PRDM5: variants seen among roughly 807,000 people sequenced by gnomAD.
PRDM5 encodes the protein PR/SET domain 5.
PRDM5 carries 56 observed loss-of-function variants against 81.2 expected under a neutral mutation model. The observed-to-expected ratio is 0.69, with a 90% CI of 0.56 to 0.86. The LOEUF (loss-of-function observed/expected upper bound fraction) is 0.86, where lower values mean the gene tolerates loss of function less well. PRDM5 is among the 40% of genes least tolerant of loss of function. The pLI is 0.00. For synonymous variants in PRDM5, 267 were observed against 256.4 expected, an observed-to-expected ratio of 1.04 and a Z score of -0.39; for missense variants, 697 against 770.1, an observed-to-expected ratio of 0.91 and a Z score of 1.12.
In PRDM5 at chr4:120,793,813, C is replaced by T. The variant is rs76778197; in HGVS notation, c.1188+4454G>A. Among the ~76,000 whole-genome samples, 553 of 152,056 alleles carry T rather than the reference C, an allele frequency of 3.6e-3. 3 individuals are homozygous for T. Among genetic ancestry groups the T allele is most frequent in the African/African-American group, 0.013 (529 of 41,476 alleles). On this transcript the variant is annotated intron_variant, in intron 10 of 15. Transcript: ENST00000264808. ...ATATTTTCACTACAAAAAAAGATAA[C>T]GTGTGAGTAATGAATACATTAATTA...
rs114245360 is a variant in PRDM5, at chr4:120,710,743, G to A, written c.1624-330C>T. 0.067 allele frequency among the ~76,000 whole-genome samples: 10,242 copies of A among 151,896 alleles called. 396 individuals are homozygous for A. The highest frequency in any genetic ancestry group is 0.11 in the South Asian group (506 of 4,808). On this transcript the variant is annotated intron_variant, in intron 14 of 15. Transcript: ENST00000264808. Reference sequence around the variant, plus strand: ...TTGCTCCATGCTTCTCTCTCCTGCCGCCATGTGAAGAAGGATGAGTGAGCT... The same window carrying A: ...TTGCTCCATGCTTCTCTCTCCTGCCACCATGTGAAGAAGGATGAGTGAGCT...
At chr4:120,709,254 A>G (rs1262027409) in intron 15 of PRDM5, among the ~76,000 whole-genome samples, 1 of 152,166 alleles carries the variant, frequency 6.6e-6, no homozygotes, top group African/African-American at 2.4e-5. Context: ...TGCCTTTATG[A>G]AAATCCTTCC....
At chr4:120,804,103 A>G (rs1752543861) in intron 8 of PRDM5, among the ~76,000 whole-genome samples, 1 of 152,236 alleles carries the variant, frequency 6.6e-6, no homozygotes, top group Admixed American at 6.5e-5. Flanking sequence ...AGAGAAAAAG[A>G]AAGCCATTAC....
At chr4:120,890,746 G>T (rs1011207352) in intron 2 of PRDM5, among the ~76,000 whole-genome samples, 3 of 152,140 alleles carry the variant, frequency 2.0e-5, no homozygotes, top group Non-Finnish European at 4.4e-5. Context: ...TTTTTCATAT[G>T]CTAGTTGGCT....
At chr4:120,828,295 G>A (rs1316167231) in intron 3 of PRDM5, among the ~76,000 whole-genome samples, 2 of 152,062 alleles carry the variant, frequency 1.3e-5, no homozygotes, top group African/African-American at 4.8e-5. Context: ...ATATCTGGCA[G>A]ACAGGAAATG....
At chr4:120,778,988 T>C (rs1748600161) in intron 12 of PRDM5, among the ~76,000 whole-genome samples, 1 of 152,142 alleles carries the variant, frequency 6.6e-6, no homozygotes, top group African/African-American at 2.4e-5. Context: ...TACATATCTA[T>C]TGTTATAGCA....
chr4:120,763,475 C>A (rs1745932762), intron 13 of PRDM5, among the ~76,000 whole-genome samples: 1 of 152,022 alleles, frequency 6.6e-6, no homozygotes, highest in Non-Finnish European at 1.5e-5. Context: ...TGAGTGCTGG[C>A]AAAAGCAAGG....
Position 120,713,376 on chromosome 4 carries a change from G to A in PRDM5, c.1624-2963C>T, listed in dbSNP as rs544326785. 2.6e-3 allele frequency among the ~76,000 whole-genome samples: 393 copies of A among 152,134 alleles called. 1 individual carries two copies. Among genetic ancestry groups the A allele is most frequent in the African/African-American group, 8.5e-3 (352 of 41,496 alleles). ...ATATGACTAGATTTTTTTAACCCAA[G>A]CTTTTTTGTGATCCAAAGATTACTT... is the stretch of plus-strand genomic sequence containing the variant. On this transcript the variant is annotated intron_variant, in intron 14 of 15. Transcript: ENST00000264808.
At chr4:120,718,674 T>C (rs1738154979) in intron 14 of PRDM5, among the ~76,000 whole-genome samples, 1 of 151,454 alleles carries the variant, frequency 6.6e-6, no homozygotes, top group African/African-American at 2.4e-5. Flanking sequence ...AGCAAAATAG[T>C]GTTTTATTTA....
At chr4:120,752,306 A>T (rs1033508552) in intron 14 of PRDM5, among the ~76,000 whole-genome samples, 3 of 152,156 alleles carry the variant, frequency 2.0e-5, no homozygotes, top group Non-Finnish European at 4.4e-5. Flanking sequence ...AAAATGCATG[A>T]AAAAGGAAAA....
intron 1 of PRDM5, among the ~76,000 whole-genome samples, chr4:120,918,801 C>T (rs1204817574): frequency 6.6e-6 from 1 of 152,088 alleles, no homozygotes; most frequent in Non-Finnish European, 1.5e-5. Flanking sequence ...AGACTCCCTG[C>T]AACTCTCTGG....
intron 10 of PRDM5, among the ~76,000 whole-genome samples, chr4:120,790,884 A>G (rs1002158842): frequency 3.9e-5 from 6 of 152,160 alleles, no homozygotes; most frequent in African/African-American, 1.2e-4. Flanking sequence ...TGGAGGCTGC[A>G]GTGAGTGGAG....
chr4:120,721,690 C>T (rs1738630242), intron 14 of PRDM5, among the ~76,000 whole-genome samples: 1 of 152,192 alleles, frequency 6.6e-6, no homozygotes, highest in Admixed American at 6.5e-5. Context: ...AATGAAGAAA[C>T]ATTTGTTTAA....
chr4:120,818,605 A>G, intron 4 of PRDM5, 78 bp from the exon 5 acceptor site: 1 of 1,195,158 alleles, frequency 8.4e-7, no homozygotes, highest in Non-Finnish European at 1.2e-6. Flanking sequence ...CTCATTTTAA[A>G]TTAATTAATT....
chr4:120,911,166 A>G (rs1178217932), intron 1 of PRDM5, among the ~76,000 whole-genome samples: 2 of 152,220 alleles, frequency 1.3e-5, no homozygotes, highest in Admixed American at 1.3e-4. Flanking sequence ...TGGAAAGAGC[A>G]TGCCACCTAA....
intron 15 of PRDM5, among the ~76,000 whole-genome samples, chr4:120,704,066 G>T (rs190532686): frequency 1.3e-5 from 2 of 152,274 alleles, no homozygotes; most frequent in Non-Finnish European, 2.9e-5. Flanking sequence ...TGGAAAAAAC[G>T]GAAAGGAAGT....
At chr4:120,921,914 T>C (rs985778355) in intron 1 of PRDM5, among the ~76,000 whole-genome samples, 1 of 152,102 alleles carries the variant, frequency 6.6e-6, no homozygotes, top group African/African-American at 2.4e-5. Context: ...AAAGATCATC[T>C]GGTTGGCACC....
At chr4:120,800,925 T>G (rs1008833202) in intron 8 of PRDM5, among the ~76,000 whole-genome samples, 1 of 152,302 alleles carries the variant, frequency 6.6e-6, no homozygotes, top group East Asian at 1.9e-4. Flanking sequence ...TTAAATTAGT[T>G]ATTTCCCTCC....
chr4:120,699,155 AATATAAATATATATATATATATAT>A (rs1215488502), intron 15 of PRDM5, among the ~76,000 whole-genome samples: 15 of 89,564 alleles, frequency 1.7e-4, no homozygotes, highest in South Asian at 8.1e-4. Context: ...AATTATAGGA[AATATAAATATATATATATATATAT>A]ATATATATAT....
Sources: allele counts gnomAD v4.1 joint callset (sites outside exome capture counted in the v4.1 genomes callset), GRCh38; gene constraint gnomAD v4.1.1; transcripts MANE v1.5; gene names NCBI Gene and HGNC (gene_info 2026-07-23, HGNC 2026-07-21).